Variants in NCOA1 observed in about 807,000 individuals in gnomAD.
NCOA1 encodes the protein nuclear receptor coactivator 1, also known as Hin-2 protein.
In NCOA1, 35 loss-of-function variants were observed where a neutral mutation model predicts 150.9. The ratio of observed to expected loss-of-function variants is 0.23; its 90% CI spans 0.18 to 0.31. The LOEUF (loss-of-function observed/expected upper bound fraction) is 0.31, where lower values mean the gene tolerates loss of function less well. Ranked by LOEUF, NCOA1 falls within the 10% of genes least tolerant of loss-of-function variation. The pLI is 1.00. For missense variants in NCOA1, 1,491 were observed against 1,749.3 expected (o/e 0.85, Z 2.63); for synonymous variants, 590 against 630.0 (o/e 0.94, Z 0.95).
rs1192578034 is a variant in NCOA1, at chr2:24,768,415, T to G, written c.*24T>G. On this transcript the variant is annotated 3_prime_UTR_variant, in exon 23 of 23. Transcript: ENST00000348332. Reference sequence around the variant, plus strand: ...AACCACTTTTAAAGGAATGTGAAATTTAAATAATAGACATACAGAGATATA... The same window carrying G: ...AACCACTTTTAAAGGAATGTGAAATGTAAATAATAGACATACAGAGATATA... 6.4e-7 allele frequency: 1 copy of G among 1,553,484 alleles called. No homozygotes were observed. The highest frequency in any genetic ancestry group is 8.8e-7 in the Non-Finnish European group (1 of 1,142,418).
chr2:24,681,918 G>C (rs959977337), intron 7 of NCOA1, among the ~76,000 whole-genome samples: 4 of 152,118 alleles, frequency 2.6e-5, no homozygotes, highest in Admixed American at 2.0e-4. Flanking sequence ...GTTTCACCAT[G>C]TTGGCCAGGA....
At chr2:24,498,365 A>G (rs1472076113) in intron 1 of NCOA1, among the ~76,000 whole-genome samples, 1 of 152,250 alleles carries the variant, frequency 6.6e-6, no homozygotes, top group African/African-American at 2.4e-5. Context: ...TAAGCAGATT[A>G]TGACCTGAGA....
At chr2:24,521,448 A>G (rs1008741802) in intron 1 of NCOA1, among the ~76,000 whole-genome samples, 1 of 152,192 alleles carries the variant, frequency 6.6e-6, no homozygotes, top group African/African-American at 2.4e-5. Context: ...CTATGAGTTC[A>G]ACTTTTTAAG....
At chr2:24,637,415 A>G (rs949823815) in intron 3 of NCOA1, among the ~76,000 whole-genome samples, 1 of 151,672 alleles carries the variant, frequency 6.6e-6, no homozygotes, top group Non-Finnish European at 1.5e-5. Context: ...GGCACTATTC[A>G]CAATAGCAAA....
chr2:24,529,238 G>A (rs1233173486), intron 1 of NCOA1, among the ~76,000 whole-genome samples: 3 of 152,188 alleles, frequency 2.0e-5, no homozygotes, highest in Non-Finnish European at 2.9e-5. Flanking sequence ...ATATTTAACA[G>A]GGTAACCTGG....
intron 17 of NCOA1, among the ~76,000 whole-genome samples, chr2:24,732,459 G>T (rs968311239): frequency 4.6e-5 from 7 of 152,158 alleles, no homozygotes; most frequent in African/African-American, 1.7e-4. Context: ...TCTCTTTTAA[G>T]CCATAAGTTC....
At chr2:24,501,717 A>G (rs1663470493) in intron 1 of NCOA1, among the ~76,000 whole-genome samples, 1 of 152,198 alleles carries the variant, frequency 6.6e-6, no homozygotes, top group African/African-American at 2.4e-5. Context: ...GAGCCCCTAG[A>G]TAGGCTTTAG....
rs752278509 is a variant in NCOA1, at chr2:24,705,181, C to A, written c.1045C>A (p.Pro349Thr). 8.7e-6 allele frequency: 14 copies of A among 1,613,670 alleles called. No homozygotes were observed. The African/African-American group carries it at 1.3e-4, about 15-fold the overall frequency. The change falls in exon 12 of 23, where the codon CCT becomes ACT. Residue 349 changes from proline (P) to threonine (T), a missense_variant. Pro to Thr is a conservative substitution (Grantham distance 38). Around this residue, in one of 8 missense-constraint regions of NCOA1, gnomAD observed 703 missense variants for 717.7 expected, o/e 0.98. Transcript: ENST00000348332. Reference sequence around the variant, plus strand: ...CCACACCAAGTGTAAACTTTGCTACCCTCAAAGTCCAGACATGCAACCTTT... The same window carrying A: ...CCACACCAAGTGTAAACTTTGCTACACTCAAAGTCCAGACATGCAACCTTT... ...SAHTKCKLCY[P>T]QSPDMQPFIM...
At chr2:24,538,647 A>G (rs1572396578) in intron 1 of NCOA1, among the ~76,000 whole-genome samples, 1 of 152,082 alleles carries the variant, frequency 6.6e-6, no homozygotes, top group Admixed American at 6.6e-5. Context: ...CTTTTATTCT[A>G]TTTTTTCTTG....
rs141963010 is a variant in NCOA1, at chr2:24,674,151, G to GTGTGTGTATA, written c.354+689_354+690insGTGTGTATAT. 6.2e-5 allele frequency among the ~76,000 whole-genome samples: 9 copies of GTGTGTGTATA among 145,214 alleles called. No individual in the cohort carries two copies. The East Asian group carries it at 8.0e-4, about 13-fold the overall frequency. On this transcript the variant is annotated intron_variant, in intron 7 of 22. Transcript: ENST00000348332. Reference sequence around the variant, plus strand: ...TGTGTGTGTGTGTGTGTGTGTGTGTGTATATATTTCTATCTCTAGGTCTAA... The same window carrying GTGTGTGTATA: ...TGTGTGTGTGTGTGTGTGTGTGTGTGTGTGTGTATATATATATTTCTATCTCTAGGTCTAA...
At position 24,707,641 on chromosome 2, in the gene NCOA1, A is replaced by G; in HGVS notation, c.2171A>G (p.Gln724Arg). 3 of 1,614,260 alleles carry G rather than the reference A, an allele frequency of 1.9e-6. No homozygotes were observed. The highest frequency in any genetic ancestry group is 2.5e-6 in the Non-Finnish European group (3 of 1,180,042). Residue 724 changes from glutamine (Q) to arginine (R), a missense_variant, in exon 13 of 23, where the codon CAG becomes CGG. By Grantham distance (43) the Gln-to-Arg change is conservative. This residue lies in a region of NCOA1 where 703 missense variants were observed against 717.7 expected (regional missense o/e 0.98). Coordinates refer to ENST00000348332, the MANE Select transcript of NCOA1 (RefSeq NM_003743.5). Reference sequence around the variant, plus strand: ...TCTACTTCTGTGTCAGTGACTGGACAGGTACAAGGAAACTCCAGTATAAAA... The same window carrying G: ...TCTACTTCTGTGTCAGTGACTGGACGGGTACAAGGAAACTCCAGTATAAAA... ...SASTSVSVTG[Q>R]VQGNSSIKLE...
intron 11 of NCOA1, among the ~76,000 whole-genome samples, chr2:24,701,051 T>C (rs1297688943): frequency 2.0e-5 from 3 of 152,188 alleles, no homozygotes; most frequent in Non-Finnish European, 4.4e-5. Context: ...GAATACTTTT[T>C]CCTGGAGCAC....
intron 3 of NCOA1, among the ~76,000 whole-genome samples, chr2:24,589,559 C>G (rs980009881): frequency 1.3e-5 from 2 of 151,698 alleles, no homozygotes; most frequent in Non-Finnish European, 2.9e-5. Flanking sequence ...TCCTGTGTTT[C>G]TGTGCATATA....
In NCOA1 at chr2:24,651,972, T is replaced by A. The variant is rs558853976; in HGVS notation, c.-17-6689T>A. 2.0e-4 allele frequency among the ~76,000 whole-genome samples: 31 copies of A among 152,200 alleles called. No individual in the cohort carries two copies. The South Asian group carries it at 6.0e-3, about 30-fold the overall frequency. On this transcript the variant is annotated intron_variant, in intron 4 of 22. Transcript: ENST00000348332. ...GTGTAGTTACTGTGGAAAACTGGCTTTGATAATTCCTCAAAAAGTTAAAGA... is the reference window on the plus strand; with the variant it reads ...GTGTAGTTACTGTGGAAAACTGGCTATGATAATTCCTCAAAAAGTTAAAGA...
chr2:24,649,487 C>T (rs184780231), intron 4 of NCOA1, among the ~76,000 whole-genome samples: 2 of 152,294 alleles, frequency 1.3e-5, no homozygotes, highest in East Asian at 1.9e-4. Flanking sequence ...AACTCTATGT[C>T]ACTCTTAAGA....
Position 24,729,606 on chromosome 2 carries a change from CCTT to C in NCOA1, c.2995_2997del (p.Ser999del), listed in dbSNP as rs749377996. On this transcript the variant is annotated inframe_deletion, in exon 17 of 23. Coordinates refer to ENST00000348332, the MANE Select transcript of NCOA1 (RefSeq NM_003743.5). Reference sequence around the variant, plus strand: ...CCTTTATTCCCAGCCTTACTCTTCTCCTTCTCCTACTGCCAATCTCCCTAGCCC... The same window carrying C: ...CCTTTATTCCCAGCCTTACTCTTCTCCTCCTACTGCCAATCTCCCTAGCCC... The C allele has an allele frequency of 2.4e-5, 39 of 1,614,052 alleles. No homozygotes were observed. The highest frequency in any genetic ancestry group is 3.1e-5 in the Non-Finnish European group (36 of 1,180,024).
intron 4 of NCOA1, among the ~76,000 whole-genome samples, chr2:24,645,794 G>T (rs1255707446): frequency 2.6e-5 from 4 of 152,140 alleles, no homozygotes; most frequent in Non-Finnish European, 5.9e-5. Flanking sequence ...TGCTCAACCT[G>T]TATTAATTTA....
intron 4 of NCOA1, among the ~76,000 whole-genome samples, chr2:24,651,028 A>G (rs1670688121): frequency 6.6e-6 from 1 of 152,102 alleles, no homozygotes; most frequent in Non-Finnish European, 1.5e-5. Context: ...CTCAACCTGT[A>G]TCAAAAAGAC....
At chr2:24,522,269 A>G (rs1158966629) in intron 1 of NCOA1, among the ~76,000 whole-genome samples, 2 of 152,202 alleles carry the variant, frequency 1.3e-5, no homozygotes, top group Non-Finnish European at 2.9e-5. Flanking sequence ...ATGATCCAGT[A>G]ACACTACACC....
Sources: allele counts gnomAD v4.1 joint callset (sites outside exome capture counted in the v4.1 genomes callset), GRCh38; gene constraint gnomAD v4.1.1; regional missense constraint gnomAD v4.1.1; transcripts MANE v1.5; gene names NCBI Gene and HGNC (gene_info 2026-07-23, HGNC 2026-07-21).